The following PIP5K1A variants were observed in gnomAD, a reference collection of about 807,000 sequenced individuals.
PIP5K1A encodes phosphatidylinositol-4-phosphate 5-kinase type 1 alpha, also known as phosphatidylinositol 4-phosphate 5-kinase type-1 alpha.
In PIP5K1A, 46 loss-of-function variants were observed where a neutral mutation model predicts 72.9. The observed-to-expected ratio is 0.63, with a 90% CI of 0.50 to 0.81. The LOEUF is 0.81. Ranked by LOEUF, PIP5K1A falls within the 30% of genes least tolerant of loss-of-function variation. The pLI is 0.00. For missense variants in PIP5K1A, 458 were observed against 706.1 expected (o/e 0.65, Z 3.98); for synonymous variants, 228 against 255.1 (o/e 0.89, Z 1.01).
Position 151,238,499 on chromosome 1 carries a change from A to G in PIP5K1A, c.1229+234A>G, listed in dbSNP as rs587641096. ...CAGACATAATGTATACCTTCTGTGG[A>G]AAGCTGAGTCAGTCCTTGGAAGCAC... On this transcript the variant is annotated intron_variant, in intron 10 of 15. Coordinates refer to ENST00000368888, the MANE Select transcript of PIP5K1A (RefSeq NM_001135638.2). 3.7e-5 allele frequency: 18 copies of G among 488,022 alleles called. No homozygotes were observed. The East Asian group carries it at 6.9e-4, about 19-fold the overall frequency. 30.2% of individuals were successfully genotyped at this position (488,022 alleles called of 1,614,324 possible).
intron 3 of PIP5K1A, among the ~76,000 whole-genome samples, chr1:151,225,543 C>T (rs1224616445): frequency 2.6e-5 from 4 of 150,986 alleles, no homozygotes; most frequent in Admixed American, 2.6e-4. Context: ...GATCTTGGCT[C>T]ACTATGTCCT....
chr1:151,238,491 T>G, intron 10 of PIP5K1A: 1 of 498,686 alleles, frequency 2.0e-6, no homozygotes, highest in Non-Finnish European at 3.6e-6. Flanking sequence ...AATGTATACC[T>G]TCTGTGGAAA....
At chr1:151,213,015 G>A (rs587630428) in intron 1 of PIP5K1A, among the ~76,000 whole-genome samples, 17 of 145,996 alleles carry the variant, frequency 1.2e-4, no homozygotes, top group Admixed American at 2.1e-4. Flanking sequence ...CTCAGCCTCT[G>A]GAGTAGCTGG....
chr1:151,199,530 C>T (rs1436951436), intron 1 of PIP5K1A, among the ~76,000 whole-genome samples: 4 of 151,792 alleles, frequency 2.6e-5, no homozygotes, highest in African/African-American at 9.7e-5. Flanking sequence ...AGGATAATCC[C>T]TTGAGCCTGG....
chr1:151,217,826 C>T (rs1262186920), intron 1 of PIP5K1A, among the ~76,000 whole-genome samples: 4 of 151,972 alleles, frequency 2.6e-5, no homozygotes, highest in Non-Finnish European at 5.9e-5. Flanking sequence ...GTTGCCCAGG[C>T]TGGAGTGCAG....
intron 6 of PIP5K1A, 86 bp downstream of exon 6, chr1:151,232,451 C>G (rs1690236039): frequency 2.0e-6 from 3 of 1,504,322 alleles, no homozygotes; most frequent in South Asian, 2.3e-5. Context: ...CAGTCTCGCT[C>G]TGGTTTTTAT....
intron 1 of PIP5K1A, among the ~76,000 whole-genome samples, chr1:151,201,852 ACT>A (rs1388747470): frequency 1.3e-5 from 2 of 152,014 alleles, no homozygotes; most frequent in African/African-American, 2.4e-5. Context: ...ACAGAGCAAG[ACT>A]CTGTCTCAAA....
chr1:151,216,265 C>T (rs1313424061), intron 1 of PIP5K1A, among the ~76,000 whole-genome samples: 1 of 150,676 alleles, frequency 6.6e-6, no homozygotes, highest in Non-Finnish European at 1.5e-5. Flanking sequence ...AGGAGAATGG[C>T]GTGAACCCGG....
intron 3 of PIP5K1A, among the ~76,000 whole-genome samples, chr1:151,224,786 C>G (rs1028049921): frequency 1.3e-5 from 2 of 152,168 alleles, no homozygotes; most frequent in African/African-American, 4.8e-5. Context: ...GTTAGTTTCA[C>G]AAGTTTCTCT....
At chr1:151,203,765 A>G (rs1475477890) in intron 1 of PIP5K1A, among the ~76,000 whole-genome samples, 1 of 151,568 alleles carries the variant, frequency 6.6e-6, no homozygotes, top group Non-Finnish European at 1.5e-5. Flanking sequence ...CGCGGGTTGC[A>G]GTGAGCTGAG....
chr1:151,228,675 C>T (rs1307819211), intron 4 of PIP5K1A, among the ~76,000 whole-genome samples: 1 of 152,086 alleles, frequency 6.6e-6, no homozygotes, highest in South Asian at 2.1e-4. Flanking sequence ...GGACAGTGTT[C>T]AGTCTCCCAT....
intron 1 of PIP5K1A, among the ~76,000 whole-genome samples, chr1:151,217,660 C>T (rs1276829734): frequency 6.6e-6 from 1 of 152,202 alleles, no homozygotes; most frequent in Non-Finnish European, 1.5e-5. Context: ...TAGCTCACTG[C>T]AGCACTGACC....
rs1263532644 is a variant in PIP5K1A, at chr1:151,242,562, T to C, written c.1635T>C (p.Thr545=). Residue 545 remains threonine, a synonymous_variant, in exon 14 of 16, where the codon ACT becomes ACC. Transcript: ENST00000368888. ...PLVGETLQML[T]TSTTLEKLEV... is the part of the protein sequence containing the mutation. The stretch of plus-strand genomic sequence containing the variant: ...TTGGAGAGACTTTGCAAATGCTAAC[T>C]ACAAGGTTGGTTTATTGGCCCCTTT... The C allele has an allele frequency of 6.2e-7, 1 of 1,613,852 alleles. No individual in the cohort carries two copies. The highest frequency in any genetic ancestry group is 1.7e-5 in the Admixed American group (1 of 59,998).
In PIP5K1A at chr1:151,234,331, T is replaced by C. The variant is rs749896807; in HGVS notation, c.774T>C (p.Tyr258=). ...LPRSVKMHIK[Y]DLKGSTYKRR... ...GATCGGTAAAAATGCATATCAAATA[T>C]GACCTCAAAGGCTCAACCTACAAAC... is the stretch of plus-strand genomic sequence containing the variant. The change falls in exon 8 of 16, where the codon TAT becomes TAC. Residue 258 remains tyrosine, a synonymous_variant. Coordinates refer to ENST00000368888, the MANE Select transcript of PIP5K1A (RefSeq NM_001135638.2). 5 of 1,614,094 alleles carry C rather than the reference T, an allele frequency of 3.1e-6. No homozygotes were observed. The highest frequency in any genetic ancestry group is 1.1e-5 in the South Asian group (1 of 91,080).
rs1383906693 is a variant in PIP5K1A at position 151,229,724 on chromosome 1, G to C, written c.238-1947G>C. Among the ~76,000 whole-genome samples, 13 of 107,256 alleles carry C rather than the reference G, an allele frequency of 1.2e-4. No individual in the cohort carries two copies. In the South Asian group the frequency reaches 3.9e-3, roughly 32 times the overall value. The allele number at this position is 107,256 out of a possible 152,430, so 70.4% of individuals were successfully genotyped here. ...GATGAGTTTCTATTATAACTGGGGA[G>C]GCAGGTACTTAAAAAAAAAAAGAAA... is the stretch of plus-strand genomic sequence containing the variant. On this transcript the variant is annotated intron_variant, in intron 4 of 15. Coordinates refer to ENST00000368888, the MANE Select transcript of PIP5K1A (RefSeq NM_001135638.2).
chr1:151,232,156 C>G (rs2298263), intron 5 of PIP5K1A, 92 bp from the exon 6 acceptor site: 94,035 of 833,894 alleles, frequency 0.11, 6,109 homozygotes, highest in Admixed American at 0.18. Flanking sequence ...CCCACTCCCC[C>G]CACCATGAGG....
chr1:151,228,772 C>CG (rs1689537601), intron 4 of PIP5K1A, among the ~76,000 whole-genome samples: 1 of 152,110 alleles, frequency 6.6e-6, no homozygotes, highest in Admixed American at 6.6e-5. Context: ...TGTTCATTCT[C>CG]TATTTCATTG....
At chr1:151,226,817 A>G (rs1461350712) in intron 3 of PIP5K1A, among the ~76,000 whole-genome samples, 4 of 152,008 alleles carry the variant, frequency 2.6e-5, no homozygotes, top group East Asian at 1.9e-4. Context: ...ACTTGAGGTC[A>G]GCAATTTGAG....
intron 3 of PIP5K1A, 103 bp downstream of exon 3, chr1:151,224,509 T>G: frequency 1.2e-6 from 1 of 846,828 alleles, no homozygotes; most frequent in Non-Finnish European, 2.0e-6. Context: ...ATGCAATATA[T>G]ACCAAAAAGT....
Sources: allele counts gnomAD v4.1 joint callset (sites outside exome capture counted in the v4.1 genomes callset), GRCh38; gene constraint gnomAD v4.1.1; transcripts MANE v1.5; gene names NCBI Gene and HGNC (gene_info 2026-07-23, HGNC 2026-07-21).